The following SGCZ variants were observed in gnomAD, a reference collection of about 807,000 sequenced individuals.
SGCZ encodes the protein zeta-sarcoglycan.
In SGCZ, 40 loss-of-function variants were observed where a neutral mutation model predicts 41.3. That is an observed-to-expected ratio of 0.97 (90% CI 0.75 to 1.26). The LOEUF (loss-of-function observed/expected upper bound fraction) is 1.26. Ranked by LOEUF, SGCZ falls within the 50% of genes most tolerant of loss-of-function variation. The pLI is 0.00. For missense variants in SGCZ, 552 were observed against 369.8 expected, an observed-to-expected ratio of 1.49 and a Z score of -4.04; for synonymous variants, 206 against 137.5, an observed-to-expected ratio of 1.50 and a Z score of -3.49.
intron 1 of SGCZ, among the ~76,000 whole-genome samples, chr8:14,600,792 A>G (rs1012647170): frequency 1.3e-5 from 2 of 152,166 alleles, no homozygotes; most frequent in Admixed American, 1.3e-4. Flanking sequence ...AAGTTTTAAA[A>G]AAGAATAAAA....
At chr8:14,674,580 C>T (rs113227685) in intron 1 of SGCZ, among the ~76,000 whole-genome samples, 1,931 of 152,124 alleles carry the variant, frequency 0.013, 37 homozygotes, top group African/African-American at 0.031. Context: ...AGTTTTGATA[C>T]GGTTTGGGTT....
chr8:14,326,658 A>G (rs1802127168), intron 2 of SGCZ, among the ~76,000 whole-genome samples: 2 of 152,224 alleles, frequency 1.3e-5, no homozygotes, highest in South Asian at 4.1e-4. Flanking sequence ...CCAACCCAAA[A>G]TGAATGAACG....
At chr8:14,280,093 T>C (rs1800370677) in intron 3 of SGCZ, among the ~76,000 whole-genome samples, 1 of 151,904 alleles carries the variant, frequency 6.6e-6, no homozygotes, top group African/African-American at 2.4e-5. Context: ...AAGTTTGAAT[T>C]AGGAGGAAAA....
In SGCZ at chr8:14,312,853, A is replaced by T. The variant is rs1473455940; in HGVS notation, c.336+11250T>A. On this transcript the variant is annotated intron_variant, in intron 3 of 7. Coordinates refer to ENST00000382080, the MANE Select transcript of SGCZ (RefSeq NM_139167.4). ...CAAAATACCAATTTAAAGAAAAACT[A>T]CACAGCATGAATCTGAAGAAAACTA... Among the ~76,000 whole-genome samples the T allele has an allele frequency of 2.6e-5, 4 of 152,196 alleles. No homozygotes were observed. The East Asian group carries it at 7.7e-4, about 29-fold the overall frequency.
chr8:15,229,114 C>G (rs1247910084), intron 1 of SGCZ, among the ~76,000 whole-genome samples: 1 of 152,034 alleles, frequency 6.6e-6, no homozygotes, highest in African/African-American at 2.4e-5. Context: ...ATCGCTTGAA[C>G]CCAGGAGGCA....
chr8:15,095,453 T>G (rs1487033105), intron 1 of SGCZ, among the ~76,000 whole-genome samples: 1 of 152,236 alleles, frequency 6.6e-6, no homozygotes, highest in Non-Finnish European at 1.5e-5. Flanking sequence ...ATGCATAGTT[T>G]CTTTTTGTTT....
In SGCZ at chr8:14,704,039, T is replaced by A. The variant is rs1268773040; in HGVS notation, c.40-149113A>T. Among the ~76,000 whole-genome samples, 5 of 152,142 alleles carry A rather than the reference T, an allele frequency of 3.3e-5. No individual in the cohort carries two copies. In the East Asian group the frequency reaches 9.6e-4, roughly 29 times the overall value. On this transcript the variant is annotated intron_variant, in intron 1 of 7. Coordinates refer to ENST00000382080, the MANE Select transcript of SGCZ (RefSeq NM_139167.4). ...ATGAGAAATTAGCCCACATAGCCTC[T>A]CAGTTATACTTACTCAATGTTGGAT...
intron 4 of SGCZ, among the ~76,000 whole-genome samples, chr8:14,209,311 C>T (rs116891435): frequency 6.6e-6 from 1 of 152,226 alleles, no homozygotes; most frequent in Non-Finnish European, 1.5e-5. Context: ...AAGCCCCTCT[C>T]TCTCACCAGG....
At chr8:14,766,272 T>C (rs1800031760) in intron 1 of SGCZ, among the ~76,000 whole-genome samples, 1 of 152,078 alleles carries the variant, frequency 6.6e-6, no homozygotes, top group Non-Finnish European at 1.5e-5. Context: ...ATAGGCATAT[T>C]TTTAAGGAAA....
chr8:14,354,925 C>T (rs1444743877), intron 2 of SGCZ, among the ~76,000 whole-genome samples: 1 of 151,730 alleles, frequency 6.6e-6, no homozygotes, highest in East Asian at 1.9e-4. Flanking sequence ...CATAACTGAG[C>T]TGTAAGGATC....
At chr8:14,260,996 T>C (rs544939020) in intron 3 of SGCZ, among the ~76,000 whole-genome samples, 1 of 152,218 alleles carries the variant, frequency 6.6e-6, no homozygotes, top group South Asian at 2.1e-4. Context: ...TACCTAACGC[T>C]AGATGACGAG....
At chr8:14,230,436 A>ATG (rs1806520948) in intron 4 of SGCZ, among the ~76,000 whole-genome samples, 2 of 151,662 alleles carry the variant, frequency 1.3e-5, no homozygotes, top group Non-Finnish European at 2.9e-5. Context: ...TATATGAGGC[A>ATG]AATACTCATA....
chr8:14,160,956 T>C (rs1316648571), intron 5 of SGCZ, among the ~76,000 whole-genome samples: 1 of 152,218 alleles, frequency 6.6e-6, no homozygotes, highest in Non-Finnish European at 1.5e-5. Flanking sequence ...AATATAAAGC[T>C]GCAAGGCATC....
intron 1 of SGCZ, among the ~76,000 whole-genome samples, chr8:15,233,990 T>C (rs544546862): frequency 6.6e-6 from 1 of 152,312 alleles, no homozygotes; most frequent in South Asian, 2.1e-4. Flanking sequence ...CATGACTTAA[T>C]TGCCAAATTA....
intron 1 of SGCZ, among the ~76,000 whole-genome samples, chr8:15,142,469 C>T (rs116126415): frequency 0.028 from 4,190 of 152,076 alleles, 79 homozygotes; most frequent in African/African-American, 0.056. Context: ...CCTTTAAATT[C>T]AGAAAGATGT....
At chr8:14,529,404 G>C (rs1359070275) in intron 2 of SGCZ, among the ~76,000 whole-genome samples, 1 of 152,128 alleles carries the variant, frequency 6.6e-6, no homozygotes, top group Middle Eastern at 3.2e-3. Flanking sequence ...TGGCATGCGT[G>C]ATCAGCATGA....
intron 1 of SGCZ, among the ~76,000 whole-genome samples, chr8:14,968,612 G>A (rs957656725): frequency 6.6e-6 from 1 of 152,132 alleles, no homozygotes; most frequent in African/African-American, 2.4e-5. Context: ...CGTGTGTACA[G>A]ATGATTGAGA....
intron 1 of SGCZ, among the ~76,000 whole-genome samples, chr8:14,980,174 A>C (rs1222616611): frequency 6.6e-6 from 1 of 152,176 alleles, no homozygotes; most frequent in Non-Finnish European, 1.5e-5. Flanking sequence ...GGTGGATGTA[A>C]GGAAGGAAAC....
chr8:14,426,397 C>A (rs927198618), intron 2 of SGCZ, among the ~76,000 whole-genome samples: 17 of 151,896 alleles, frequency 1.1e-4, no homozygotes, highest in African/African-American at 3.9e-4. Context: ...AAGGTAGTTA[C>A]TGATCTTCAT....
Sources: gnomAD v4.1 joint callset for allele counts (sites outside exome capture counted in the v4.1 genomes callset) on GRCh38, gnomAD v4.1.1 for gene constraint, MANE v1.5 for transcripts, NCBI Gene and HGNC (gene_info 2026-07-23, HGNC 2026-07-21) for gene names.